The following ZNF3 variants were observed in gnomAD, a reference collection of about 807,000 sequenced individuals.
The protein encoded by ZNF3 is C2-H2 type zinc finger protein.
A neutral mutation model predicts 36.9 loss-of-function variants in ZNF3; 16 were observed. That is an observed-to-expected ratio of 0.43 (90% CI 0.29 to 0.66). The LOEUF (loss-of-function observed/expected upper bound fraction) is 0.66, where lower values mean the gene tolerates loss of function less well. ZNF3 is among the 30% of genes least tolerant of loss of function. The probability of loss-of-function intolerance (pLI) is 0.13; values close to 1 mark genes in which losing one functional copy is unlikely to be tolerated. For synonymous variants in ZNF3, 201 were observed against 201.9 expected (o/e 1.00, Z 0.04); for missense variants, 462 against 543.1 (o/e 0.85, Z 1.48).
Position 100,071,076 on chromosome 7 carries a change from G to T in ZNF3, c.*67C>A. On this transcript the variant is annotated 3_prime_UTR_variant, in exon 6 of 6. Transcript: ENST00000299667. ...AAAGGGACACATCCTAAGCTGTTGA[G>T]ATTTATAGGGTAAGGCAAGAGCTCT... The T allele has an allele frequency of 1.3e-6, 2 of 1,520,802 alleles. No individual in the cohort carries two copies. Among genetic ancestry groups the T allele is most frequent in the Non-Finnish European group, 1.8e-6 (2 of 1,137,730 alleles). 94.2% of individuals were successfully genotyped at this position (1,520,802 alleles called of 1,614,324 possible). A position where few individuals can be genotyped will look rare whatever the true frequency, so the allele number is the denominator to read the frequency against.
chr7:100,064,956 T>G, intron 5 of ZNF3: 2 of 1,605,454 alleles, frequency 1.2e-6, no homozygotes, highest in Non-Finnish European at 1.7e-6. Flanking sequence ...TTTTAACATA[T>G]ATTCAAGAAT....
Position 100,077,035 on chromosome 7 carries a change from C to T in ZNF3, c.55+268G>A, listed in dbSNP as rs369703759. The T allele has an allele frequency of 2.7e-4, 80 of 292,416 alleles. No individual in the cohort carries two copies. In the East Asian group the frequency reaches 5.5e-3, roughly 20 times the overall value. The allele number at this position is 292,416 out of a possible 1,614,324, so 18.1% of individuals were successfully genotyped here. On this transcript the variant is annotated intron_variant, in intron 3 of 5. Coordinates refer to ENST00000299667, the MANE Select transcript of ZNF3 (RefSeq NM_032924.5). Reference sequence around the variant, plus strand: ...GCAGTGAGCCGAGATTGTGCCACTGCACTCTAGCCTGAGCAACAGAGCAAG... The same window carrying T: ...GCAGTGAGCCGAGATTGTGCCACTGTACTCTAGCCTGAGCAACAGAGCAAG...
At chr7:100,068,801 G>C (rs1010445503), downstream of ZNF3, among the ~76,000 whole-genome samples, 3 of 151,864 alleles carry the variant, frequency 2.0e-5, no homozygotes, top group Admixed American at 6.6e-5. Flanking sequence ...GGGACCACAA[G>C]TGTGCACCAC....
chr7:100,065,634 T>C (rs1446470604), downstream of ZNF3, among the ~76,000 whole-genome samples: 1 of 151,492 alleles, frequency 6.6e-6, no homozygotes, highest in Non-Finnish European at 1.5e-5. Context: ...TTCAGTTCCA[T>C]TCAGGGTGTG....
downstream of ZNF3, chr7:100,064,002 A>T: frequency 6.2e-7 from 1 of 1,614,152 alleles, no homozygotes; most frequent in East Asian, 2.2e-5. Flanking sequence ...TTCCTACTAA[A>T]CCTACCCCAG....
At chr7:100,078,889 A>G (rs1436998461) in intron 2 of ZNF3, 1 of 152,264 alleles carries the variant, frequency 6.6e-6, no homozygotes, top group Non-Finnish European at 1.5e-5. Flanking sequence ...ATAAGGCATC[A>G]AAGGAAGAGG....
chr7:100,073,202 G>A (rs1166628275), intron 5 of ZNF3, among the ~76,000 whole-genome samples: 2 of 152,078 alleles, frequency 1.3e-5, no homozygotes, highest in African/African-American at 2.4e-5. Context: ...AGATCTGCCG[G>A]GGACAGAAGG....
chr7:100,076,063 C>T (rs1794056337), intron 3 of ZNF3, among the ~76,000 whole-genome samples: 1 of 150,876 alleles, frequency 6.6e-6, no homozygotes. Context: ...GTCTCAAACT[C>T]CTGGGCTCAA....
At position 100,070,186 on chromosome 7, in the gene ZNF3, G is replaced by A; in HGVS notation, c.*957C>T. The A allele has an allele frequency of 1.0e-6, 1 of 982,284 alleles. No individual in the cohort carries two copies. Among genetic ancestry groups the A allele is most frequent in the South Asian group, 4.7e-5 (1 of 21,118 alleles). The allele number at this position is 982,284 out of a possible 1,614,324, so 60.8% of individuals were successfully genotyped here. A position where few individuals can be genotyped will look rare whatever the true frequency, so the allele number is the denominator to read the frequency against. On this transcript the variant is annotated 3_prime_UTR_variant, in exon 6 of 6. Coordinates refer to ENST00000299667, the MANE Select transcript of ZNF3 (RefSeq NM_032924.5). The stretch of plus-strand genomic sequence containing the variant: ...TTTTTGTTTTTTTTTTCTCCCTTTT[G>A]GGCTTTGCTCTTTCTCTGCATTAAT...
Position 100,075,380 on chromosome 7 carries a change from G to C in ZNF3, c.145-119C>G, listed in dbSNP as rs763502924. 19 of 1,571,866 alleles carry C rather than the reference G, an allele frequency of 1.2e-5. No homozygotes were observed. The East Asian group carries it at 4.0e-4, about 33-fold the overall frequency. The stretch of plus-strand genomic sequence containing the variant: ...TTGGGAAGGGAGGAAGGGAGGACAG[G>C]GTGGAGGAAGAGAGACAGGAGTCCA... On this transcript the variant is annotated intron_variant, in intron 4 of 5. Transcript: ENST00000299667.
downstream of ZNF3, among the ~76,000 whole-genome samples, chr7:100,065,989 A>G (rs964624697): frequency 6.6e-6 from 1 of 150,438 alleles, no homozygotes; most frequent in African/African-American, 2.5e-5. Context: ...TCTAGTGAAC[A>G]GCCACAGGTC....
chr7:100,075,655 G>GA, intron 3 of ZNF3, 25 bp from the exon 4 acceptor site: 1 of 1,611,150 alleles, frequency 6.2e-7, no homozygotes, highest in Non-Finnish European at 8.5e-7. Context: ...AAGGGCCCAG[G>GA]AATGAGTCCA....
At chr7:100,077,188 G>T in intron 3 of ZNF3, 115 bp downstream of exon 3, 2 of 1,284,872 alleles carry the variant, frequency 1.6e-6, no homozygotes, top group Non-Finnish European at 2.2e-6. Flanking sequence ...GGCGAAGAGT[G>T]TGTCTTATTC....
chr7:100,072,175 A>G lies in ZNF3; in HGVS notation c.309T>C (p.Ser103=). The change falls in exon 6 of 6, where the codon TCT becomes TCC. Residue 103 remains serine (S), a synonymous_variant. Coordinates refer to ENST00000299667, the MANE Select transcript of ZNF3 (RefSeq NM_032924.5). ...GGACCCCATGTGATCTTGTGTCTTC[A>G]GAAATTTCTTGATCATTTTCAGTCC... ...ETRTENDQEI[S]EDTRSHGVLL... 1 of 1,597,148 alleles carries G rather than the reference A, an allele frequency of 6.3e-7. No individual in the cohort carries two copies. Among genetic ancestry groups the G allele is most frequent in the Non-Finnish European group, 8.5e-7 (1 of 1,175,316 alleles).
At position 100,070,014 on chromosome 7, in the gene ZNF3, T is replaced by C. The variant is rs1792876593; in HGVS notation, c.*1129A>G. 1.0e-6 allele frequency: 1 copy of C among 985,786 alleles called. No individual in the cohort carries two copies. The highest frequency in any genetic ancestry group is 1.2e-6 in the Non-Finnish European group (1 of 829,946). The allele number at this position is 985,786 out of a possible 1,614,324, so 61.1% of individuals were successfully genotyped here. A position where few individuals can be genotyped will look rare whatever the true frequency, so the allele number is the denominator to read the frequency against. ...TCTGTTTAATAGTGCACTTCATTTA[T>C]GCTACAGGATGAGCAGGGTTGGGAA... On this transcript the variant is annotated 3_prime_UTR_variant, in exon 6 of 6. Transcript: ENST00000299667.
intron 1 of ZNF3, among the ~76,000 whole-genome samples, chr7:100,080,488 T>C (rs1321811575): frequency 1.3e-5 from 2 of 151,246 alleles, no homozygotes; most frequent in Non-Finnish European, 1.5e-5. Context: ...GAGCAAGACC[T>C]TAATACACAC....
rs376262043 is a variant in ZNF3 at position 100,070,886 on chromosome 7, T to C, written c.*257A>G. 6.3e-6 allele frequency: 8 copies of C among 1,260,354 alleles called. No homozygotes were observed. Among genetic ancestry groups the C allele is most frequent in the South Asian group, 2.5e-5 (1 of 40,138 alleles). 78.1% of individuals were successfully genotyped at this position (1,260,354 alleles called of 1,614,324 possible). On this transcript the variant is annotated 3_prime_UTR_variant, in exon 6 of 6. Coordinates refer to ENST00000299667, the MANE Select transcript of ZNF3 (RefSeq NM_032924.5). The stretch of plus-strand genomic sequence containing the variant: ...TTCCTCTGCTGTGAGAAAAACAGTT[T>C]AGTGCAAACTCCTTTCCTAAATGGG...
downstream of ZNF3, among the ~76,000 whole-genome samples, chr7:100,069,700 G>A (rs992186350): frequency 6.6e-6 from 1 of 151,486 alleles, no homozygotes; most frequent in African/African-American, 2.4e-5. Context: ...CACAACCTGC[G>A]CCTCCCGGGT....
At position 100,076,813 on chromosome 7, in the gene ZNF3, C is replaced by T. The variant is rs184897141; in HGVS notation, c.55+490G>A. On this transcript the variant is annotated intron_variant, in intron 3 of 5. Transcript: ENST00000299667. The stretch of plus-strand genomic sequence containing the variant: ...TCAAAACTGCCTCAGTGGCCAGGCG[C>T]GGTGGGTCATGCCTGTAATTTCAAC... 9.9e-5 allele frequency among the ~76,000 whole-genome samples: 15 copies of T among 152,250 alleles called. No homozygotes were observed. In the East Asian group the frequency reaches 1.7e-3, roughly 18 times the overall value.
Sources: gnomAD v4.1 joint callset for allele counts (sites outside exome capture counted in the v4.1 genomes callset) on GRCh38, gnomAD v4.1.1 for gene constraint, MANE v1.5 for transcripts, NCBI Gene and HGNC (gene_info 2026-07-23, HGNC 2026-07-21) for gene names.